Variants in WHR1 observed in about 807,000 individuals in gnomAD.
WHR1 encodes the protein winged helix repair factor 1, also known as MHC class III HLA-RP1.
At chr6:31,978,992 G>A in the WHR1 span, 2 of 1,612,288 alleles carry the variant, frequency 1.2e-6, no homozygotes, top group Non-Finnish European at 8.5e-7. Context: ...AGGACTACAG[G>A]ACCAGAGTAT....
the WHR1 span, chr6:31,972,540 C>G: frequency 1.3e-6 from 2 of 1,596,530 alleles, no homozygotes; most frequent in South Asian, 1.1e-5. This position sits in a 1 kb window ranked among gnomAD's most constrained non-coding sequence, Gnocchi z 6.3. Flanking sequence ...GGGGTGGGGC[C>G]TCGCTTCCGG....
the WHR1 span, among the ~76,000 whole-genome samples, chr6:31,979,204 GAGGAGGGGGAGGAGGAGGAAGGA>G: frequency 3.3e-5 from 4 of 123,062 alleles, no homozygotes; most frequent in Admixed American, 1.7e-4. Context: ...GAGGGGGGGA[GAGGAGGGGGAGGAGGAGGAAGGA>G]AGGAGGGGGA....
the WHR1 span, chr6:31,973,113 A>C: frequency 2.0e-6 from 1 of 512,404 alleles, no homozygotes; most frequent in Non-Finnish European, 3.7e-6. Context: ...GAGAGAGGGA[A>C]TGGTGTATTG....
chr6:31,972,814 GTCAC>G, the WHR1 span: 2 of 1,593,970 alleles, frequency 1.3e-6, no homozygotes, highest in Non-Finnish European at 1.7e-6. The surrounding 1 kb of genome is among the most constrained non-coding windows in gnomAD (Gnocchi z 6.3). Context: ...GGAATTCCCT[GTCAC>G]TCAGTCACTC....
chr6:31,979,153 G>A, the WHR1 span: 1 of 673,540 alleles, frequency 1.5e-6, no homozygotes, highest in Non-Finnish European at 2.4e-6. Context: ...TAATATGAGG[G>A]AGAGAGACAG....
chr6:31,979,419 C>T, the WHR1 span: 1 of 1,612,878 alleles, frequency 6.2e-7, no homozygotes, highest in South Asian at 1.1e-5. Context: ...TGTAGGTCCT[C>T]AAGGCCTGTG....
At chr6:31,971,539 G>C in the WHR1 span, 1 of 1,614,182 alleles carries the variant, frequency 6.2e-7, no homozygotes, top group Non-Finnish European at 8.5e-7. This position sits in a 1 kb window ranked among gnomAD's most constrained non-coding sequence, Gnocchi z 4.5. Context: ...CAGTTCCGAA[G>C]GGCGCCGGTA....
At chr6:31,978,978 A>C in the WHR1 span, 1 of 1,612,214 alleles carries the variant, frequency 6.2e-7, no homozygotes, top group Non-Finnish European at 8.5e-7. Context: ...AATTATCTTC[A>C]CTGAGGACTA....
chr6:31,978,963 C>T, the WHR1 span: 8 of 1,612,170 alleles, frequency 5.0e-6, no homozygotes, highest in Non-Finnish European at 6.8e-6. Flanking sequence ...CTTGGATGCC[C>T]ATGGAATTAT....
chr6:31,971,176 TC>T, the WHR1 span: 1 of 1,606,344 alleles, frequency 6.2e-7, no homozygotes, highest in Non-Finnish European at 8.5e-7. The surrounding 1 kb of genome is among the most constrained non-coding windows in gnomAD (Gnocchi z 4.5). Context: ...AGGCTGAAGG[TC>T]TGACACAAGC....
chr6:31,978,307 G>A, the WHR1 span, among the ~76,000 whole-genome samples: 1 of 151,520 alleles, frequency 6.6e-6, no homozygotes, highest in East Asian at 2.0e-4. Context: ...TACATTTTTT[G>A]TAGAGATGTG....
the WHR1 span, chr6:31,978,816 A>G: frequency 1.5e-6 from 2 of 1,296,172 alleles, no homozygotes; most frequent in South Asian, 1.3e-5. Context: ...ATTGGCAAAC[A>G]AAATCTCCCT....
chr6:31,979,498 A>C, the WHR1 span: 2 of 1,612,942 alleles, frequency 1.2e-6, no homozygotes, highest in Non-Finnish European at 1.7e-6. Flanking sequence ...TGGGGACCTT[A>C]GTTTCCAGCA....
the WHR1 span, chr6:31,979,112 C>A: frequency 9.3e-7 from 1 of 1,073,370 alleles, no homozygotes; most frequent in South Asian, 1.4e-5. Flanking sequence ...CCCCACATCC[C>A]ATGGAGAGGG....
At chr6:31,979,421 AG>A in the WHR1 span, 1 of 1,612,912 alleles carries the variant, frequency 6.2e-7, no homozygotes. Context: ...TAGGTCCTCA[AG>A]GCCTGTGATG....
chr6:31,975,376 A>G, the WHR1 span, among the ~76,000 whole-genome samples: 1 of 151,764 alleles, frequency 6.6e-6, no homozygotes, highest in African/African-American at 2.4e-5. Flanking sequence ...TAATTTTGGT[A>G]TTTTTAGTAG....
chr6:31,972,685 G>A, the WHR1 span: 2 of 1,613,748 alleles, frequency 1.2e-6, no homozygotes, highest in African/African-American at 2.7e-5. The surrounding 1 kb of genome is among the most constrained non-coding windows in gnomAD (Gnocchi z 6.3). Flanking sequence ...TTGAGGACGC[G>A]CTGCCGCCCA....
chr6:31,971,944 C>A, the WHR1 span: 1 of 1,554,962 alleles, frequency 6.4e-7, no homozygotes, highest in South Asian at 1.2e-5. The surrounding 1 kb of genome is among the most constrained non-coding windows in gnomAD (Gnocchi z 4.5). Context: ...AGCTCCCCAA[C>A]TTCCACCTCC....
the WHR1 span, among the ~76,000 whole-genome samples, chr6:31,977,697 T>TGG: frequency 6.6e-6 from 1 of 151,756 alleles, no homozygotes; most frequent in Non-Finnish European, 1.5e-5. Flanking sequence ...TTGGCCAGGC[T>TGG]GGTCTTGAAC....
Sources: allele counts gnomAD v4.1 joint callset (sites outside exome capture counted in the v4.1 genomes callset), GRCh38; gene constraint gnomAD v4.1.1; non-coding constraint Gnocchi (gnomAD v3.1); transcripts MANE v1.5; gene names NCBI Gene and HGNC (gene_info 2026-07-23, HGNC 2026-07-21).